Variants in SLC22A25 observed in about 807,000 individuals in gnomAD.
The protein encoded by SLC22A25 is solute carrier family 22 member 25.
SLC22A25 carries 44 observed loss-of-function variants against 45.9 expected under a neutral mutation model. The observed-to-expected ratio is 0.96, with a 90% confidence interval of 0.75 to 1.23. The LOEUF is 1.23. Among genes scored for constraint, SLC22A25 ranks in the 50% most tolerant of loss-of-function variants. The pLI, the probability that SLC22A25 is intolerant of heterozygous loss-of-function variation, is 0.00. For synonymous variants in SLC22A25, 283 were observed against 238.6 expected, an observed-to-expected ratio of 1.19 and a Z score of -1.72; for missense variants, 800 against 666.4, an observed-to-expected ratio of 1.20 and a Z score of -2.21.
intron 3 of SLC22A25, among the ~76,000 whole-genome samples, chr11:63,237,228 A>G (rs754163202): frequency 1.3e-5 from 2 of 151,696 alleles, no homozygotes; most frequent in Non-Finnish European, 2.9e-5. Context: ...GGTTGAAAAA[A>G]CCCCACTGTT....
At chr11:63,229,225 CA>C (rs1370115778) in intron 4 of SLC22A25, 25 bp downstream of exon 4, 1 of 1,502,580 alleles carries the variant, frequency 6.7e-7, no homozygotes, top group Non-Finnish European at 8.9e-7. Flanking sequence ...GTCATGTACA[CA>C]AGAGAGGAAA....
intron 8 of SLC22A25, among the ~76,000 whole-genome samples, chr11:63,183,217 A>G (rs919426425): frequency 8.5e-5 from 13 of 152,142 alleles, no homozygotes; most frequent in Non-Finnish European, 1.9e-4. Context: ...TTTCCAAGAA[A>G]GAATGAAATC....
chr11:63,189,113 T>C (rs1329761266), intron 7 of SLC22A25, among the ~76,000 whole-genome samples: 1 of 152,190 alleles, frequency 6.6e-6, no homozygotes, highest in African/African-American at 2.4e-5. Context: ...TAACTTTCTG[T>C]CTCATTGATC....
rs1036847487 is a variant in SLC22A25 at position 63,217,870 on chromosome 11, C to G, written c.507-135G>C. On this transcript the variant is annotated intron_variant, in intron 5 of 11. Transcript: ENST00000306494. ...TACACTTAAAACGTTAAAGAATCAACAGTTAATCAATGGCAGGTCTTCTCA... is the reference window on the plus strand; with the variant it reads ...TACACTTAAAACGTTAAAGAATCAAGAGTTAATCAATGGCAGGTCTTCTCA... 1.9e-5 allele frequency: 20 copies of G among 1,066,120 alleles called. No individual in the cohort carries two copies. In the African/African-American group the frequency reaches 3.2e-4, roughly 17 times the overall value. 66.0% of individuals were successfully genotyped at this position (1,066,120 alleles called of 1,614,324 possible).
chr11:63,240,347 A>G (rs1233525584), intron 1 of SLC22A25, among the ~76,000 whole-genome samples: 1 of 152,176 alleles, frequency 6.6e-6, no homozygotes, highest in African/African-American at 2.4e-5. Flanking sequence ...CATTAGAGTC[A>G]AAGAAAAATG....
At chr11:63,204,145 G>C (rs1257807279) in intron 7 of SLC22A25, among the ~76,000 whole-genome samples, 2 of 152,178 alleles carry the variant, frequency 1.3e-5, no homozygotes, top group Non-Finnish European at 2.9e-5. Context: ...CCTTACAAGA[G>C]CTCCTGAAGG....
chr11:63,210,924 G>T (rs1029072786), intron 7 of SLC22A25, among the ~76,000 whole-genome samples: 1 of 152,092 alleles, frequency 6.6e-6, no homozygotes, highest in Non-Finnish European at 1.5e-5. Context: ...GAAACTGCAG[G>T]CACAAATTTC....
At chr11:63,197,910 C>G (rs61180372) in intron 7 of SLC22A25, among the ~76,000 whole-genome samples, 4 of 151,992 alleles carry the variant, frequency 2.6e-5, no homozygotes, top group Non-Finnish European at 4.4e-5. Context: ...AAAAAGTGGG[C>G]GAAGGATATG....
At chr11:63,241,623 A>G (rs186539980) in intron 1 of SLC22A25, among the ~76,000 whole-genome samples, 32 of 152,296 alleles carry the variant, frequency 2.1e-4, no homozygotes, top group Admixed American at 2.1e-3. Context: ...TTGAAGCTCA[A>G]TGCATTGAGA....
At chr11:63,180,603 G>A in intron 9 of SLC22A25, 57 bp downstream of exon 9, 4 of 1,217,016 alleles carry the variant, frequency 3.3e-6, no homozygotes, top group Non-Finnish European at 4.6e-6. Flanking sequence ...TTTGAAATAA[G>A]AAATGGATTT....
intron 7 of SLC22A25, among the ~76,000 whole-genome samples, chr11:63,190,620 C>T (rs951794573): frequency 8.6e-5 from 13 of 152,042 alleles, no homozygotes; most frequent in Non-Finnish European, 1.6e-4. Context: ...AGGAGAGGCA[C>T]TCTGATTTTT....
At position 63,229,484 on chromosome 11, in the gene SLC22A25, C is replaced by G; in HGVS notation, c.169G>C (p.Asp57His). Residue 57 changes from aspartate to histidine, a missense_variant, in exon 4 of 12, where the codon GAC (aspartate) becomes CAC (histidine). By Grantham distance (81) the Asp-to-His change is moderately conservative. Transcript: ENST00000306494. The stretch of plus-strand genomic sequence containing the variant: ...CCAGGGTCATTGTCAGGGATAGTGT[C>G]ATTGTCCAGTATATGAACCCAGCAG... ...HRCWVHILDN[D>H]TIPDNDPGTL... 6.2e-7 allele frequency: 1 copy of G among 1,614,128 alleles called. No individual in the cohort carries two copies. Among genetic ancestry groups the G allele is most frequent in the Non-Finnish European group, 8.5e-7 (1 of 1,179,988 alleles).
At chr11:63,174,115 T>C (rs557282674) in intron 9 of SLC22A25, among the ~76,000 whole-genome samples, 4 of 152,220 alleles carry the variant, frequency 2.6e-5, no homozygotes, top group South Asian at 4.1e-4. Context: ...TGTGTTCTCA[T>C]TGTTCAACTC....
chr11:63,164,666 A>G (rs747338039), intron 10 of SLC22A25, 32 bp from the exon 11 acceptor site: 21 of 1,549,888 alleles, frequency 1.4e-5, no homozygotes, highest in Non-Finnish European at 1.3e-5. Context: ...GGCCTCAGGA[A>G]ATCTGAGCTG....
At chr11:63,188,894 C>A (rs546745942) in intron 7 of SLC22A25, among the ~76,000 whole-genome samples, 2,485 of 152,240 alleles carry the variant, frequency 0.016, 68 homozygotes, top group African/African-American at 0.057. Flanking sequence ...AGTTTGATTG[C>A]ACTGTGGTCT....
intron 1 of SLC22A25, 159 bp downstream of exon 1, chr11:63,243,272 ATGG>A (rs2090281452): frequency 2.5e-6 from 1 of 401,264 alleles, no homozygotes; most frequent in Non-Finnish European, 4.7e-6. Flanking sequence ...GCCACTTCTG[ATGG>A]TGGCCATTTG....
chr11:63,229,263 G>A lies in SLC22A25; in HGVS notation c.390C>T (p.Thr130=), dbSNP rs1565124045. The A allele has an allele frequency of 6.5e-7, 1 of 1,534,902 alleles. No homozygotes were observed. Among genetic ancestry groups the A allele is most frequent in the Non-Finnish European group, 8.8e-7 (1 of 1,138,332 alleles). Residue 130 remains threonine (T), a synonymous_variant, in exon 4 of 12, where the codon ACC becomes ACT. Transcript: ENST00000306494. ...WVYDQSSFPS[T]IVTKWDLVCE... is the part of the protein sequence containing the mutation. The stretch of plus-strand genomic sequence containing the variant: ...TGAGGCCTCTTACCTTAGTCACAAT[G>A]GTGGAAGGGAAGGAGCTTTGGTCAT...
intron 1 of SLC22A25, among the ~76,000 whole-genome samples, chr11:63,242,173 G>A (rs2090259604): frequency 6.6e-6 from 1 of 152,156 alleles, no homozygotes; most frequent in Admixed American, 6.5e-5. Flanking sequence ...AAATGAAATG[G>A]TGCTATTTAC....
intron 7 of SLC22A25, among the ~76,000 whole-genome samples, chr11:63,213,870 T>A (rs981337888): frequency 2.0e-5 from 3 of 152,136 alleles, no homozygotes; most frequent in African/African-American, 7.2e-5. Context: ...TGGGGTGCGA[T>A]ATGCAAGGTA....
Sources: allele counts gnomAD v4.1 joint callset (sites outside exome capture counted in the v4.1 genomes callset), GRCh38; gene constraint gnomAD v4.1.1; transcripts MANE v1.5; gene names NCBI Gene and HGNC (gene_info 2026-07-23, HGNC 2026-07-21).